Variants in SLC4A5 observed in about 807,000 individuals in gnomAD.
The protein encoded by SLC4A5 is solute carrier family 4 member 5, also known as electrogenic sodium bicarbonate cotransporter 4.
Under a neutral mutation model 120.4 loss-of-function variants are expected in SLC4A5, and 96 were observed. The observed-to-expected ratio is 0.80, with a 90% confidence interval of 0.68 to 0.94. SLC4A5 has a LOEUF of 0.94. SLC4A5 is among the 40% of genes least tolerant of loss of function. SLC4A5 has a pLI of 0.00. For missense variants in SLC4A5, 1,259 were observed against 1,459.5 expected, an observed-to-expected ratio of 0.86 and a Z score of 2.24; for synonymous variants, 550 against 571.1, an observed-to-expected ratio of 0.96 and a Z score of 0.53.
intron 20 of SLC4A5, among the ~76,000 whole-genome samples, chr2:74,241,620 T>C (rs146895858): frequency 2.6e-5 from 4 of 151,380 alleles, no homozygotes; most frequent in East Asian, 3.9e-4. Context: ...TGCGTGCCTG[T>C]AATCCCAGCT....
intron 5 of SLC4A5, among the ~76,000 whole-genome samples, chr2:74,317,465 A>G (rs1326649384): frequency 6.6e-6 from 1 of 152,184 alleles, no homozygotes; most frequent in African/African-American, 2.4e-5. Flanking sequence ...ATATCTCAAG[A>G]CCATGATGCA....
intron 8 of SLC4A5, among the ~76,000 whole-genome samples, chr2:74,271,112 G>T (rs1671462267): frequency 6.6e-6 from 1 of 152,132 alleles, no homozygotes; most frequent in Non-Finnish European, 1.5e-5. Flanking sequence ...TGAGGTCAAA[G>T]ATTCTACATT....
At chr2:74,277,337 G>A (rs1202395282) in intron 8 of SLC4A5, among the ~76,000 whole-genome samples, 2 of 152,042 alleles carry the variant, frequency 1.3e-5, no homozygotes, top group Non-Finnish European at 2.9e-5. Context: ...ATCACCTGAG[G>A]CCAGGAGTTT....
chr2:74,287,100 G>T (rs371460228), intron 7 of SLC4A5, among the ~76,000 whole-genome samples: 53 of 151,980 alleles, frequency 3.5e-4, no homozygotes, highest in African/African-American at 1.2e-3. Flanking sequence ...CTGTCTCCTG[G>T]GCCTCATCAG....
chr2:74,307,745 C>A, intron 6 of SLC4A5: 1 of 699,918 alleles, frequency 1.4e-6, no homozygotes, highest in South Asian at 1.4e-5. Context: ...GCCAGGAGGT[C>A]GTTCAGGCTT....
At chr2:74,336,888 T>C (rs1673503230) in intron 3 of SLC4A5, among the ~76,000 whole-genome samples, 1 of 152,074 alleles carries the variant, frequency 6.6e-6, no homozygotes, top group Non-Finnish European at 1.5e-5. Context: ...CATTCTATGC[T>C]CATTGCTGCA....
intron 5 of SLC4A5, chr2:74,319,573 A>G (rs1358944518): frequency 6.6e-6 from 1 of 152,158 alleles, no homozygotes; most frequent in Non-Finnish European, 1.5e-5. Context: ...GGCCTGACAT[A>G]AGTTGTTTGA....
chr2:74,272,744 T>A (rs1045917715), intron 8 of SLC4A5, among the ~76,000 whole-genome samples: 1 of 152,242 alleles, frequency 6.6e-6, no homozygotes, highest in Non-Finnish European at 1.5e-5. Context: ...GCCTTTTCTG[T>A]GCCTAGTAAC....
At chr2:74,234,938 A>C (rs925998543) in intron 22 of SLC4A5, among the ~76,000 whole-genome samples, 163 bp downstream of exon 22, 10 of 152,208 alleles carry the variant, frequency 6.6e-5, no homozygotes, top group African/African-American at 2.4e-4. Flanking sequence ...CCTACCTCAA[A>C]GGACTGGCTC....
chr2:74,302,638 C>T (rs10207240), intron 7 of SLC4A5, among the ~76,000 whole-genome samples: 1 of 152,080 alleles, frequency 6.6e-6, no homozygotes, highest in South Asian at 2.1e-4. Context: ...TATGCCAAAG[C>T]GTTCTACATT....
chr2:74,334,700 T>C (rs1474017129), intron 3 of SLC4A5, among the ~76,000 whole-genome samples: 1 of 152,162 alleles, frequency 6.6e-6, no homozygotes, highest in African/African-American at 2.4e-5. Context: ...GTCCAAATCC[T>C]GACTCAACTA....
intron 8 of SLC4A5, among the ~76,000 whole-genome samples, chr2:74,282,736 G>A (rs560161821): frequency 1.1e-4 from 16 of 152,332 alleles, no homozygotes; most frequent in African/African-American, 3.6e-4. Context: ...AGGGCTCCAC[G>A]GGTGTGTGTG....
exon 20 of SLC4A5, chr2:74,242,044 T>C (rs771908792): frequency 2.8e-5 from 45 of 1,605,674 alleles, no homozygotes; most frequent in Non-Finnish European, 3.7e-5. Flanking sequence ...TTGAACACGG[T>C]TGTATTCACT....
chr2:74,296,805 A>T (rs1672344797), intron 7 of SLC4A5, among the ~76,000 whole-genome samples: 1 of 151,028 alleles, frequency 6.6e-6, no homozygotes, highest in South Asian at 2.1e-4. Flanking sequence ...AAAAAAAAAA[A>T]AGAAAGCCAG....
At chr2:74,273,806 C>G (rs1290480159) in intron 8 of SLC4A5, among the ~76,000 whole-genome samples, 1 of 152,174 alleles carries the variant, frequency 6.6e-6, no homozygotes, top group Non-Finnish European at 1.5e-5. Flanking sequence ...ATCAGATACT[C>G]CCCTGGTTCA....
chr2:74,267,267 T>A (rs942429897), intron 8 of SLC4A5, among the ~76,000 whole-genome samples: 1 of 152,182 alleles, frequency 6.6e-6, no homozygotes, highest in Admixed American at 6.5e-5. Flanking sequence ...TCAGTGTGCA[T>A]GCCTTTTGAC....
At chr2:74,295,964 G>A (rs1672312023) in intron 7 of SLC4A5, among the ~76,000 whole-genome samples, 1 of 152,200 alleles carries the variant, frequency 6.6e-6, no homozygotes, top group African/African-American at 2.4e-5. Context: ...AGAATGTGGC[G>A]AGGAGGCTGG....
chr2:74,306,337 G>A (rs565601608), intron 6 of SLC4A5, among the ~76,000 whole-genome samples: 1 of 151,316 alleles, frequency 6.6e-6, no homozygotes, highest in Admixed American at 6.5e-5. Flanking sequence ...TCTCTGACCA[G>A]AGACATTCCA....
At chr2:74,340,769 C>T (rs995892177) in intron 2 of SLC4A5, among the ~76,000 whole-genome samples, 1 of 152,114 alleles carries the variant, frequency 6.6e-6, no homozygotes, top group African/African-American at 2.4e-5. Context: ...CCCTGGTTAG[C>T]TAAATAAGTG....
Sources: allele counts gnomAD v4.1 joint callset (sites outside exome capture counted in the v4.1 genomes callset), GRCh38; gene constraint gnomAD v4.1.1; transcripts MANE v1.5; gene names NCBI Gene and HGNC (gene_info 2026-07-23, HGNC 2026-07-21).